The following TMEM106B variants were observed in gnomAD, a reference collection of about 807,000 sequenced individuals.
TMEM106B encodes the protein transmembrane protein 106B.
TMEM106B carries 15 observed loss-of-function variants against 31.1 expected under a neutral mutation model. The observed-to-expected ratio is 0.48, with a 90% CI of 0.32 to 0.74. The LOEUF is 0.74. Ranked by LOEUF, TMEM106B falls within the 30% of genes least tolerant of loss-of-function variation. The pLI, the probability that TMEM106B is intolerant of heterozygous loss-of-function variation, is 0.03. For missense variants in TMEM106B, 283 were observed against 327.3 expected, an observed-to-expected ratio of 0.86 and a Z score of 1.04; for synonymous variants, 126 against 112.5, an observed-to-expected ratio of 1.12 and a Z score of -0.76.
In TMEM106B at chr7:12,231,193, A is replaced by G. The variant is rs73677559; in HGVS notation, c.686+78A>G. ...ATAACATTGGCTTATAATATACACA[A>G]CATCTTTATAAATGCCACCTCAGTT... On this transcript the variant is annotated intron_variant, in intron 7 of 7. Coordinates refer to ENST00000396668, the MANE Select transcript of TMEM106B (RefSeq NM_001134232.2). 5.8e-6 allele frequency: 6 copies of G among 1,036,286 alleles called. No individual in the cohort carries two copies. In the Admixed American group the frequency reaches 6.5e-5, roughly 11 times the overall value. 64.2% of individuals were successfully genotyped at this position (1,036,286 alleles called of 1,614,324 possible).
In TMEM106B at chr7:12,242,745, C is replaced by T. The variant is rs1269331761; in HGVS notation, c.*10770C>T. The T allele has an allele frequency of 3.9e-5, 6 of 152,046 alleles. No individual in the cohort carries two copies. The highest frequency in any genetic ancestry group is 8.8e-5 in the Non-Finnish European group (6 of 68,004). 9.4% of individuals were successfully genotyped at this position (152,046 alleles called of 1,614,324 possible). The stretch of plus-strand genomic sequence containing the variant: ...CTTCAACGAGTATCTTCTTTTCCTT[C>T]CTAAAATACTGTTAATAGCTGGCTA... On this transcript the variant is annotated 3_prime_UTR_variant, in exon 8 of 8. Transcript: ENST00000396668.
intron 4 of TMEM106B, among the ~76,000 whole-genome samples, chr7:12,229,093 G>C (rs1348121987): frequency 6.6e-6 from 1 of 151,942 alleles, no homozygotes; most frequent in Non-Finnish European, 1.5e-5. Context: ...GACTGTTACA[G>C]ATCTTTTATA....
At position 12,238,805 on chromosome 7, in the gene TMEM106B, T is replaced by A. The variant is rs1000509923; in HGVS notation, c.*6830T>A. 1 of 152,144 alleles carries A rather than the reference T, an allele frequency of 6.6e-6. No homozygotes were observed. Among genetic ancestry groups the A allele is most frequent in the African/African-American group, 2.4e-5 (1 of 41,440 alleles). The allele number at this position is 152,144 out of a possible 1,614,324, so 9.4% of individuals were successfully genotyped here. On this transcript the variant is annotated 3_prime_UTR_variant, in exon 8 of 8. Transcript: ENST00000396668. ...TCAACAATGGGCTTAAAATATTCAG[T>A]GAACCGTGTTGTAAACAGATGTCAT...
At position 12,237,952 on chromosome 7, in the gene TMEM106B, T is replaced by G. The variant is rs1158621137; in HGVS notation, c.*5977T>G. The stretch of plus-strand genomic sequence containing the variant: ...TGTCTGGATGTTGTTTGCTGATAGA[T>G]CCATGTAGTGGTTACTAAAGTTGGG... On this transcript the variant is annotated 3_prime_UTR_variant, in exon 8 of 8. Coordinates refer to ENST00000396668, the MANE Select transcript of TMEM106B (RefSeq NM_001134232.2). 6.6e-6 allele frequency: 1 copy of G among 152,204 alleles called. No homozygotes were observed. The highest frequency in any genetic ancestry group is 2.4e-5 in the African/African-American group (1 of 41,418). 9.4% of individuals were successfully genotyped at this position (152,204 alleles called of 1,614,324 possible).
At chr7:12,217,399 T>C (rs1393941828) in intron 2 of TMEM106B, among the ~76,000 whole-genome samples, 1 of 152,170 alleles carries the variant, frequency 6.6e-6, no homozygotes, top group Non-Finnish European at 1.5e-5. Flanking sequence ...AGTTATAAAA[T>C]TGTGGTCTTG....
chr7:12,221,694 A>C (rs1005378298), intron 3 of TMEM106B, among the ~76,000 whole-genome samples: 2 of 152,228 alleles, frequency 1.3e-5, no homozygotes, highest in Admixed American at 1.3e-4. Context: ...TCCAGCCTGC[A>C]GCACAAGGAA....
Position 12,233,489 on chromosome 7 carries a change from C to T in TMEM106B, c.*1514C>T, listed in dbSNP as rs1156850745. 1 of 151,458 alleles carries T rather than the reference C, an allele frequency of 6.6e-6. No homozygotes were observed. The highest frequency in any genetic ancestry group is 6.6e-5 in the Admixed American group (1 of 15,166). The allele number at this position is 151,458 out of a possible 1,614,324, so 9.4% of individuals were successfully genotyped here. Reference sequence around the variant, plus strand: ...TTATTTAATTCTGCCTTTAAACACACTCAGGTTTCCCCTTAATTTTCATAT... The same window carrying T: ...TTATTTAATTCTGCCTTTAAACACATTCAGGTTTCCCCTTAATTTTCATAT... On this transcript the variant is annotated 3_prime_UTR_variant, in exon 8 of 8. Coordinates refer to ENST00000396668, the MANE Select transcript of TMEM106B (RefSeq NM_001134232.2).
rs1386570480 is a variant in TMEM106B, at chr7:12,241,863, C to A, written c.*9888C>A. The A allele has an allele frequency of 1.3e-5, 2 of 152,136 alleles. No homozygotes were observed. The highest frequency in any genetic ancestry group is 2.9e-5 in the Non-Finnish European group (2 of 68,028). The allele number at this position is 152,136 out of a possible 1,614,324, so 9.4% of individuals were successfully genotyped here. A position where few individuals can be genotyped will look rare whatever the true frequency, so the allele number is the denominator to read the frequency against. ...CAATGGTTGCAATTTACACTCCCACCAACAGTGTGTAAAAGCTTCCTATTT... is the reference window on the plus strand; with the variant it reads ...CAATGGTTGCAATTTACACTCCCACAAACAGTGTGTAAAAGCTTCCTATTT... On this transcript the variant is annotated 3_prime_UTR_variant, in exon 8 of 8. Coordinates refer to ENST00000396668, the MANE Select transcript of TMEM106B (RefSeq NM_001134232.2).
intron 3 of TMEM106B, 135 bp downstream of exon 3, chr7:12,218,656 T>C (rs1488219721): frequency 1.0e-5 from 7 of 699,854 alleles, no homozygotes; most frequent in Middle Eastern, 4.2e-4. Context: ...TGTCATCATA[T>C]GCTTTGTATC....
intron 4 of TMEM106B, 123 bp downstream of exon 4, chr7:12,224,508 G>A: frequency 1.3e-6 from 1 of 742,120 alleles, no homozygotes; most frequent in East Asian, 2.7e-5. Context: ...CTTTCTGTAT[G>A]TCTTTTCTGT....
intron 4 of TMEM106B, among the ~76,000 whole-genome samples, chr7:12,227,183 T>C (rs992632423): frequency 2.0e-5 from 3 of 152,034 alleles, no homozygotes; most frequent in East Asian, 3.9e-4. Context: ...ATTAACTAGA[T>C]GACAATGAGA....
Position 12,242,562 on chromosome 7 carries a change from G to A in TMEM106B, c.*10587G>A, listed in dbSNP as rs1394836270. On this transcript the variant is annotated 3_prime_UTR_variant, in exon 8 of 8. Transcript: ENST00000396668. Reference sequence around the variant, plus strand: ...TTAAGGTTAAATCACATTTTTCACAGAGAGTGTTTTACTGAAATATAAACT... The same window carrying A: ...TTAAGGTTAAATCACATTTTTCACAAAGAGTGTTTTACTGAAATATAAACT... 1 of 151,910 alleles carries A rather than the reference G, an allele frequency of 6.6e-6. No individual in the cohort carries two copies. Among genetic ancestry groups the A allele is most frequent in the Non-Finnish European group, 1.5e-5 (1 of 67,970 alleles). The allele number at this position is 151,910 out of a possible 1,614,324, so 9.4% of individuals were successfully genotyped here.
chr7:12,222,375 G>A (rs1781804871), intron 3 of TMEM106B, among the ~76,000 whole-genome samples: 1 of 152,040 alleles, frequency 6.6e-6, no homozygotes, highest in African/African-American at 2.4e-5. Flanking sequence ...TTGTTTTATT[G>A]TCCCACCAGG....
intron 4 of TMEM106B, 49 bp from the exon 5 acceptor site, chr7:12,229,630 T>TTGTA (rs1554310180): frequency 8.4e-7 from 1 of 1,195,808 alleles, no homozygotes; most frequent in Non-Finnish European, 1.1e-6. Flanking sequence ...AAATACATAT[T>TTGTA]TGTATATTTT....
Position 12,235,098 on chromosome 7 carries a change from G to C in TMEM106B, c.*3123G>C, listed in dbSNP as rs567090982. On this transcript the variant is annotated 3_prime_UTR_variant, in exon 8 of 8. Coordinates refer to ENST00000396668, the MANE Select transcript of TMEM106B (RefSeq NM_001134232.2). ...TGACAAACTAATACTGCTGGACTAA[G>C]ATTTTGGTAGCATTGTTTTCTAAAA... The C allele has an allele frequency of 7.2e-5, 11 of 152,386 alleles. No individual in the cohort carries two copies. Among genetic ancestry groups the C allele is most frequent in the Admixed American group, 2.6e-4 (4 of 15,234 alleles). The allele number at this position is 152,386 out of a possible 1,614,324, so 9.4% of individuals were successfully genotyped here. A position where few individuals can be genotyped will look rare whatever the true frequency, so the allele number is the denominator to read the frequency against.
At chr7:12,211,916 A>G (rs1342661977) in intron 1 of TMEM106B, among the ~76,000 whole-genome samples, 2 of 152,218 alleles carry the variant, frequency 1.3e-5, no homozygotes, top group Non-Finnish European at 2.9e-5. Context: ...TCTGATATCC[A>G]TGTTGACTTT....
intron 4 of TMEM106B, among the ~76,000 whole-genome samples, chr7:12,229,028 T>C (rs1781960899): frequency 6.6e-6 from 1 of 152,126 alleles, no homozygotes; most frequent in South Asian, 2.1e-4. Flanking sequence ...TTACAAATAT[T>C]TCTTTTATTT....
At chr7:12,230,625 A>C (rs1782002431) in intron 6 of TMEM106B, 187 bp downstream of exon 6, 1 of 428,388 alleles carries the variant, frequency 2.3e-6, no homozygotes, top group Admixed American at 4.1e-5. Context: ...ATATACACAT[A>C]AAATTTGTTT....
rs916414632 is a variant in TMEM106B, at chr7:12,241,117, A to G, written c.*9142A>G. 1 of 152,194 alleles carries G rather than the reference A, an allele frequency of 6.6e-6. No homozygotes were observed. The highest frequency in any genetic ancestry group is 6.5e-5 in the Admixed American group (1 of 15,276). 9.4% of individuals were successfully genotyped at this position (152,194 alleles called of 1,614,324 possible). A position where few individuals can be genotyped will look rare whatever the true frequency, so the allele number is the denominator to read the frequency against. On this transcript the variant is annotated 3_prime_UTR_variant, in exon 8 of 8. Transcript: ENST00000396668. ...AATCCTTAAAAATGATATATTGGAA[A>G]CCACTGATTTCTTATTTTCATTTCA...
Sources: allele counts gnomAD v4.1 joint callset (sites outside exome capture counted in the v4.1 genomes callset), GRCh38; gene constraint gnomAD v4.1.1; transcripts MANE v1.5; gene names NCBI Gene and HGNC (gene_info 2026-07-23, HGNC 2026-07-21).